PHC2: variants seen among roughly 807,000 people sequenced by gnomAD.
PHC2 encodes polyhomeotic-like protein 2.
A neutral mutation model predicts 87.4 loss-of-function variants in PHC2; 29 were observed. That is an observed-to-expected ratio of 0.33 (90% CI 0.25 to 0.45). The LOEUF (loss-of-function observed/expected upper bound fraction) is 0.45, where lower values mean the gene tolerates loss of function less well. Among genes scored for constraint, PHC2 ranks in the 20% least tolerant of loss-of-function variants. The pLI is 1.00. For synonymous variants in PHC2, 438 were observed against 461.7 expected, an observed-to-expected ratio of 0.95 and a Z score of 0.66; for missense variants, 857 against 1,136.7, an observed-to-expected ratio of 0.75 and a Z score of 3.54.
chr1:33,380,719 TG>T (rs1409817355), intron 1 of PHC2, among the ~76,000 whole-genome samples: 1 of 152,220 alleles, frequency 6.6e-6, no homozygotes, highest in African/African-American at 2.4e-5. Context: ...TGTTATTCCA[TG>T]TTTGGGCATG....
intron 1 of PHC2, among the ~76,000 whole-genome samples, chr1:33,414,768 T>G (rs1199443240): frequency 1.3e-5 from 2 of 152,242 alleles, no homozygotes; most frequent in African/African-American, 4.8e-5. Flanking sequence ...AGAATTTTGT[T>G]ACTTTAAATG....
At position 33,359,934 on chromosome 1, in the gene PHC2, G is replaced by A. The variant is rs117679559; in HGVS notation, c.977-4681C>T. Among the ~76,000 whole-genome samples, 96 of 152,294 alleles carry A rather than the reference G, an allele frequency of 6.3e-4. 1 individual carries two copies. In the East Asian group the frequency reaches 0.016, roughly 26 times the overall value. On this transcript the variant is annotated intron_variant, in intron 7 of 14. Transcript: ENST00000683057. The stretch of plus-strand genomic sequence containing the variant: ...CAGTTTTTGGCTGGGTCTAAGTTAC[G>A]CTAGCACCTTCTAGGGGCTGCTTAT...
rs935713638 is a variant in PHC2 at position 33,331,401 on chromosome 1, A to G, written c.1953T>C (p.Phe651=). The change falls in exon 12 of 15, where the codon TTT becomes TTC. Residue 651 remains phenylalanine, a synonymous_variant. Transcript: ENST00000683057. This position sits in a 1 kb window ranked among gnomAD's most constrained non-coding sequence, Gnocchi z 5.2. Reference sequence around the variant, plus strand: ...GCTTGGAACGCTTGAACTTATAGGCAAAGTCCACCCGGCCACAGAGCTCAC... The same window carrying G: ...GCTTGGAACGCTTGAACTTATAGGCGAAGTCCACCCGGCCACAGAGCTCAC... ...LKCELCGRVD[F]AYKFKRSKRF... 1 of 1,613,270 alleles carries G rather than the reference A, an allele frequency of 6.2e-7. No homozygotes were observed. The highest frequency in any genetic ancestry group is 1.3e-5 in the African/African-American group (1 of 74,898).
At chr1:33,409,351 T>C (rs1470537578) in intron 1 of PHC2, among the ~76,000 whole-genome samples, 1 of 152,208 alleles carries the variant, frequency 6.6e-6, no homozygotes, top group African/African-American at 2.4e-5. Flanking sequence ...AAAAGGTTCA[T>C]AGTAAGGTGA....
At chr1:33,398,882 A>G (rs1021874021) in intron 1 of PHC2, among the ~76,000 whole-genome samples, 1 of 152,156 alleles carries the variant, frequency 6.6e-6, no homozygotes, top group Non-Finnish European at 1.5e-5. Flanking sequence ...ATTGACCATG[A>G]AGTGTTCTTG....
At chr1:33,360,897 A>C (rs1359672604) in intron 7 of PHC2, among the ~76,000 whole-genome samples, 1 of 152,232 alleles carries the variant, frequency 6.6e-6, no homozygotes, top group Non-Finnish European at 1.5e-5. Context: ...AGTGAATAAC[A>C]CAAGTCAGTA....
chr1:33,352,514 A>C (rs1646992570), intron 9 of PHC2, among the ~76,000 whole-genome samples: 1 of 152,208 alleles, frequency 6.6e-6, no homozygotes, highest in African/African-American at 2.4e-5. Flanking sequence ...ATTAACTATT[A>C]ATCATTACTG....
intron 6 of PHC2, among the ~76,000 whole-genome samples, chr1:33,367,959 C>T (rs892592082): frequency 1.3e-5 from 2 of 152,210 alleles, no homozygotes; most frequent in Admixed American, 6.5e-5. Context: ...CTGCTGGACA[C>T]AGGGAGGCTG....
chr1:33,390,685 A>AT lies in PHC2; in HGVS notation c.-54-15093dup, dbSNP rs10616049. ...GCACATAAATATAACAGGAGTCAGC[A>AT]TTTTTTTTTTTTTTTTCTCTGTAAA... On this transcript the variant is annotated intron_variant, in intron 1 of 14. Coordinates refer to ENST00000683057, the MANE Select transcript of PHC2 (RefSeq NM_001385109.1). Among the ~76,000 whole-genome samples, 692 of 148,256 alleles carry AT rather than the reference A, an allele frequency of 4.7e-3. 4 individuals carry two copies. Among genetic ancestry groups the AT allele is most frequent in the Non-Finnish European group, 7.9e-3 (533 of 67,108 alleles).
At chr1:33,356,253 A>ATATATATATATATATATACG (rs1647071583) in intron 7 of PHC2, among the ~76,000 whole-genome samples, 1 of 50,686 alleles carries the variant, frequency 2.0e-5, no homozygotes, top group Non-Finnish European at 3.9e-5. Flanking sequence ...AAATTCTTAT[A>ATATATATATATATATATACG]TATATATATA....
At chr1:33,387,142 C>A (rs567820105) in intron 1 of PHC2, among the ~76,000 whole-genome samples, 1 of 152,202 alleles carries the variant, frequency 6.6e-6, no homozygotes, top group African/African-American at 2.4e-5. Context: ...CCCCTGAAAT[C>A]GGGCTGTATC....
chr1:33,374,928 C>T (rs1648079924), intron 2 of PHC2, among the ~76,000 whole-genome samples: 2 of 152,198 alleles, frequency 1.3e-5, no homozygotes, highest in African/African-American at 4.8e-5. Flanking sequence ...GAGCCGCCAC[C>T]TGGAAGGCCT....
chr1:33,386,771 C>A (rs1279405898), intron 1 of PHC2, among the ~76,000 whole-genome samples: 2 of 152,136 alleles, frequency 1.3e-5, no homozygotes, highest in Non-Finnish European at 2.9e-5. Context: ...ACAAAGCACA[C>A]AGCACACAGT....
intron 9 of PHC2, chr1:33,347,053 C>A (rs1019869136): frequency 4.9e-5 from 48 of 985,298 alleles, no homozygotes; most frequent in Non-Finnish European, 5.5e-5. Context: ...AGATCAGAAC[C>A]AAGGGATCCA....
At position 33,368,810 on chromosome 1, in the gene PHC2, G is replaced by A; in HGVS notation, c.577-188C>T. On this transcript the variant is annotated intron_variant, in intron 5 of 14. Transcript: ENST00000683057. The surrounding 1 kb of genome is among the most constrained non-coding windows in gnomAD (Gnocchi z 6.6). ...AGGACAGTAGAAGCAGAAAGGAAGG[G>A]GGAGTCCAAGGGGAGCGCCTGCCTT... Among the ~76,000 whole-genome samples the A allele has an allele frequency of 6.6e-6, 1 of 152,188 alleles. No individual in the cohort carries two copies. The highest frequency in any genetic ancestry group is 1.5e-5 in the Non-Finnish European group (1 of 68,030).
rs527318009 is a variant in PHC2 at position 33,345,657 on chromosome 1, A to C, written c.1558+8744T>G. Reference sequence around the variant, plus strand: ...ATTCTAAATTGTATAATTCTTGACTATGATAAAAGAGCCCATTTCTTGACC... The same window carrying C: ...ATTCTAAATTGTATAATTCTTGACTCTGATAAAAGAGCCCATTTCTTGACC... On this transcript the variant is annotated intron_variant, in intron 9 of 14. Transcript: ENST00000683057. The C allele has an allele frequency of 6.1e-6, 6 of 984,610 alleles. No homozygotes were observed. In the Admixed American group the frequency reaches 3.7e-4, roughly 60 times the overall value. The allele number at this position is 984,610 out of a possible 1,614,324, so 61.0% of individuals were successfully genotyped here. A position where few individuals can be genotyped will look rare whatever the true frequency, so the allele number is the denominator to read the frequency against.
chr1:33,332,176 G>T lies in PHC2; in HGVS notation c.1891+99C>A. The stretch of plus-strand genomic sequence containing the variant: ...GGGGGAAATGTTTACAGACTCGCTG[G>T]CTCAGGGTTCCTCTGGGGAAACAGA... On this transcript the variant is annotated intron_variant, in intron 11 of 14. Coordinates refer to ENST00000683057, the MANE Select transcript of PHC2 (RefSeq NM_001385109.1). The surrounding 1 kb of genome is among the most constrained non-coding windows in gnomAD (Gnocchi z 4.2). The T allele has an allele frequency of 7.3e-7, 1 of 1,376,712 alleles. No individual in the cohort carries two copies. The highest frequency in any genetic ancestry group is 1.0e-6 in the Non-Finnish European group (1 of 978,472). The allele number at this position is 1,376,712 out of a possible 1,614,324, so 85.3% of individuals were successfully genotyped here. A position where few individuals can be genotyped will look rare whatever the true frequency, so the allele number is the denominator to read the frequency against.
chr1:33,370,732 TC>T (rs2148325478), intron 4 of PHC2, 147 bp from the exon 5 acceptor site: 2 of 799,182 alleles, frequency 2.5e-6, no homozygotes, highest in East Asian at 2.7e-5. Context: ...TTTGGAGCAA[TC>T]CCCCAGCCCT....
chr1:33,334,016 TG>T lies in PHC2; in HGVS notation c.1761+73del. On this transcript the variant is annotated intron_variant, in intron 10 of 14. Transcript: ENST00000683057. This position sits in a 1 kb window ranked among gnomAD's most constrained non-coding sequence, Gnocchi z 5.5. ...TGTTCACATTTTCAGAAATTTTACA[TG>T]GAAATGTAAAAATATTCTAAGACAC... is the stretch of plus-strand genomic sequence containing the variant. The T allele has an allele frequency of 7.5e-7, 1 of 1,328,722 alleles. No individual in the cohort carries two copies. The highest frequency in any genetic ancestry group is 1.1e-6 in the Non-Finnish European group (1 of 950,838). 82.3% of individuals were successfully genotyped at this position (1,328,722 alleles called of 1,614,324 possible). A position where few individuals can be genotyped will look rare whatever the true frequency, so the allele number is the denominator to read the frequency against.
Sources: allele counts gnomAD v4.1 joint callset (sites outside exome capture counted in the v4.1 genomes callset), GRCh38; gene constraint gnomAD v4.1.1; non-coding constraint Gnocchi (gnomAD v3.1); transcripts MANE v1.5; gene names NCBI Gene and HGNC (gene_info 2026-07-23, HGNC 2026-07-21).